Variants in CPA1 observed in about 807,000 individuals in gnomAD.
CPA1 encodes the protein carboxypeptidase A1 (pancreatic).
Under a neutral mutation model 48.7 loss-of-function variants are expected in CPA1, and 42 were observed. That is an observed-to-expected ratio of 0.86 (90% CI 0.67 to 1.11). The LOEUF is 1.11. Among genes scored for constraint, CPA1 ranks in the 50% most tolerant of loss-of-function variants. The probability of loss-of-function intolerance (pLI) is 0.00; values close to 1 mark genes in which losing one functional copy is unlikely to be tolerated. For missense variants in CPA1, 477 were observed against 544.7 expected (o/e 0.88, Z 1.24); for synonymous variants, 203 against 217.9 (o/e 0.93, Z 0.60).
At position 130,383,784 on chromosome 7, in the gene CPA1, C is replaced by A. The variant is rs781815975; in HGVS notation, c.686C>A (p.Thr229Lys). 4 of 1,611,452 alleles carry A rather than the reference C, an allele frequency of 2.5e-6. No homozygotes were observed. Among genetic ancestry groups the A allele is most frequent in the Admixed American group, 1.7e-5 (1 of 59,942 alleles). ...ACCAACCCTGATGGCTTTGCCTTCA[C>A]GCACAGCACGGTACCGGCCTTCTCC... The part of the protein sequence containing the change: ...IVTNPDGFAF[T>K]HSTNRMWRKT... The change falls in exon 6 of 10, where the codon ACG (threonine) becomes AAG (lysine). Residue 229 changes from threonine to lysine, a missense_variant. Transcript: ENST00000011292.
At chr7:130,384,830 T>G (rs1796452512) in intron 7 of CPA1, 3 of 613,696 alleles carry the variant, frequency 4.9e-6, no homozygotes, top group Admixed American at 5.8e-5. Context: ...TGCTTGCAAA[T>G]GGGCTAAGGT....
chr7:130,383,640 C>G lies in CPA1; in HGVS notation c.586-44C>G, dbSNP rs1486461885. On this transcript the variant is annotated intron_variant, in intron 5 of 9. Transcript: ENST00000011292. ...GTCCATTGCTGTGGCTTGGCAGATG[C>G]CTGGCCCAGCCTGCGCTGCCCCTCT... 9 of 1,502,902 alleles carry G rather than the reference C, an allele frequency of 6.0e-6. No homozygotes were observed. The Admixed American group carries it at 1.5e-4, about 25-fold the overall frequency. The allele number at this position is 1,502,902 out of a possible 1,614,324, so 93.1% of individuals were successfully genotyped here.
chr7:130,382,441 G>A (rs114327169), intron 4 of CPA1, among the ~76,000 whole-genome samples: 89 of 152,226 alleles, frequency 5.8e-4, no homozygotes, highest in African/African-American at 2.1e-3. Context: ...CATTGTGGAA[G>A]GTACTGTAGA....
intron 4 of CPA1, 45 bp downstream of exon 4, chr7:130,382,254 C>A: frequency 6.9e-7 from 1 of 1,452,990 alleles, no homozygotes; most frequent in Non-Finnish European, 9.7e-7. Flanking sequence ...TGGACCCACA[C>A]GTGGCATCCG....
At chr7:130,381,927 C>A in intron 3 of CPA1, 64 bp downstream of exon 3, 1 of 1,489,816 alleles carries the variant, frequency 6.7e-7, no homozygotes. Flanking sequence ...TGGTAGAACG[C>A]GGTAGGGCCA....
intron 1 of CPA1, 149 bp from the exon 2 acceptor site, chr7:130,380,949 G>T: frequency 1.5e-6 from 1 of 673,998 alleles, no homozygotes; most frequent in Non-Finnish European, 2.7e-6. Flanking sequence ...TCTCCTTGTT[G>T]AGACCCTTGG....
intron 5 of CPA1, 86 bp downstream of exon 5, chr7:130,383,578 T>A: frequency 7.0e-7 from 1 of 1,437,166 alleles, no homozygotes; most frequent in East Asian, 2.3e-5. Flanking sequence ...CCTTTGCCCA[T>A]CCAGAAGCAG....
intron 8 of CPA1, 112 bp downstream of exon 8, chr7:130,385,457 C>T (rs1796462844): frequency 1.0e-6 from 1 of 952,876 alleles, no homozygotes; most frequent in Non-Finnish European, 1.6e-6. Flanking sequence ...TACCTGACAC[C>T]CTTCCTTCCC....
chr7:130,384,019 C>A (rs1796440941), intron 6 of CPA1: 4 of 568,868 alleles, frequency 7.0e-6, no homozygotes, highest in Non-Finnish European at 1.3e-5. Flanking sequence ...AGCATCCTAA[C>A]CTTACACCCA....
In CPA1 at chr7:130,380,588, A is replaced by G. The variant is rs577008275; in HGVS notation, c.65+3A>G. 9.9e-6 allele frequency: 13 copies of G among 1,307,970 alleles called. No homozygotes were observed. In the East Asian group the frequency reaches 3.4e-4, roughly 34 times the overall value. The allele number at this position is 1,307,970 out of a possible 1,614,324, so 81.0% of individuals were successfully genotyped here. ...TTTGGCAAGGAGGACTTTGTGGGGT[A>G]GGGATGTGGAGAGGAGGGGGTGCCC... On this transcript the variant is annotated splice_donor_region_variant and intron_variant, in intron 1 of 9. Coordinates refer to ENST00000011292, the MANE Select transcript of CPA1 (RefSeq NM_001868.4).
Position 130,383,679 on chromosome 7 carries a change from C to CTG in CPA1, c.586-5_586-4insTG. 1 of 1,610,418 alleles carries CTG rather than the reference C, an allele frequency of 6.2e-7. No homozygotes were observed. Among genetic ancestry groups the CTG allele is most frequent in the Admixed American group, 1.7e-5 (1 of 60,020 alleles). On this transcript the variant is annotated splice_region_variant and splice_polypyrimidine_tract_variant and intron_variant, in intron 5 of 9. Transcript: ENST00000011292. ...CGCTGCCCCTCTGCTCCTCTAACCC[C>CTG]CCAGATCACTCAAGACTACGGGCAG... is the stretch of plus-strand genomic sequence containing the variant.
At chr7:130,386,126 T>C (rs1796471625) in intron 9 of CPA1, 1 of 543,016 alleles carries the variant, frequency 1.8e-6, no homozygotes, top group Non-Finnish European at 3.3e-6. Flanking sequence ...CAAATGTGAA[T>C]TCCTCTGACA....
Position 130,382,278 on chromosome 7 carries a change from C to T in CPA1, c.483+69C>T, listed in dbSNP as rs1232611825. On this transcript the variant is annotated intron_variant, in intron 4 of 9. Coordinates refer to ENST00000011292, the MANE Select transcript of CPA1 (RefSeq NM_001868.4). Reference sequence around the variant, plus strand: ...ACGTGGCATCCGTGATGGGCGTGGGCTCTCCCGGGGAAATCATGGTACCAG... The same window carrying T: ...ACGTGGCATCCGTGATGGGCGTGGGTTCTCCCGGGGAAATCATGGTACCAG... The T allele has an allele frequency of 5.8e-6, 7 of 1,210,056 alleles. No individual in the cohort carries two copies. In the African/African-American group the frequency reaches 6.0e-5, roughly 10 times the overall value. 75.0% of individuals were successfully genotyped at this position (1,210,056 alleles called of 1,614,324 possible). A position where few individuals can be genotyped will look rare whatever the true frequency, so the allele number is the denominator to read the frequency against.
At chr7:130,382,310 C>A in intron 4 of CPA1, 101 bp downstream of exon 4, 1 of 904,390 alleles carries the variant, frequency 1.1e-6, no homozygotes, top group African/African-American at 1.6e-5. Flanking sequence ...CCAGGGAACA[C>A]GCTGTTAAAT....
chr7:130,381,086 C>A lies in CPA1; in HGVS notation c.66-12C>A, dbSNP rs782555907. On this transcript the variant is annotated splice_polypyrimidine_tract_variant and intron_variant, in intron 1 of 9. Transcript: ENST00000011292. ...AGCTTGGGTGCTCACTCCCCACTCCCACTCTGCCCAGGCATCAGGTGCTCC... is the reference window on the plus strand; with the variant it reads ...AGCTTGGGTGCTCACTCCCCACTCCAACTCTGCCCAGGCATCAGGTGCTCC... 4 of 1,611,594 alleles carry A rather than the reference C, an allele frequency of 2.5e-6. No individual in the cohort carries two copies. The highest frequency in any genetic ancestry group is 3.4e-6 in the Non-Finnish European group (4 of 1,178,688).
At chr7:130,386,915 G>A (rs894738784) in intron 9 of CPA1, among the ~76,000 whole-genome samples, 8 of 152,228 alleles carry the variant, frequency 5.3e-5, no homozygotes, top group African/African-American at 1.7e-4. Context: ...GGGCCTCATT[G>A]ACAGAGTGAC....
At chr7:130,384,682 C>A in intron 7 of CPA1, 56 bp downstream of exon 7, 6 of 1,417,112 alleles carry the variant, frequency 4.2e-6, no homozygotes, top group Non-Finnish European at 5.0e-6. Flanking sequence ...TGGCTCCTCA[C>A]CACTGCTCTT....
chr7:130,382,565 G>A (rs1310050494), intron 4 of CPA1, among the ~76,000 whole-genome samples: 1 of 151,626 alleles, frequency 6.6e-6, no homozygotes, highest in Non-Finnish European at 1.5e-5. Flanking sequence ...CTGGGTTCAA[G>A]CGATTCTCCT....
chr7:130,383,453 G>T lies in CPA1; in HGVS notation c.546G>T (p.Glu182Asp). 6.2e-7 allele frequency: 1 copy of T among 1,614,228 alleles called. No individual in the cohort carries two copies. Among genetic ancestry groups the T allele is most frequent in the South Asian group, 1.1e-5 (1 of 91,082 alleles). Residue 182 changes from glutamate (E) to aspartate (D), a missense_variant, in exon 5 of 10, where the codon GAG (glutamate) becomes GAT (aspartate). Glu to Asp is a conservative substitution (Grantham distance 45). Coordinates refer to ENST00000011292, the MANE Select transcript of CPA1 (RefSeq NM_001868.4). ...TCGACACGGGCATCCATTCCCGGGA[G>T]TGGGTCACCCAGGCCAGTGGGGTCT... ...IWIDTGIHSR[E>D]WVTQASGVWF...
Sources: allele counts gnomAD v4.1 joint callset (sites outside exome capture counted in the v4.1 genomes callset), GRCh38; gene constraint gnomAD v4.1.1; transcripts MANE v1.5; gene names NCBI Gene and HGNC (gene_info 2026-07-23, HGNC 2026-07-21).